DOK6: variants seen among roughly 807,000 people sequenced by gnomAD.
The protein encoded by DOK6 is docking protein 6.
DOK6 carries 22 observed loss-of-function variants against 44.0 expected under a neutral mutation model. That is an observed-to-expected ratio of 0.50 (90% CI 0.36 to 0.71). The LOEUF (loss-of-function observed/expected upper bound fraction) is 0.71, where lower values mean the gene tolerates loss of function less well. Among genes scored for constraint, DOK6 ranks in the 30% least tolerant of loss-of-function variants. The pLI, the probability that DOK6 is intolerant of heterozygous loss-of-function variation, is 0.00. For missense variants in DOK6, 340 were observed against 416.4 expected (o/e 0.82, Z 1.60); for synonymous variants, 166 against 145.5 (o/e 1.14, Z -1.01).
intron 1 of DOK6, among the ~76,000 whole-genome samples, chr18:69,404,176 T>G (rs56782053): frequency 0.011 from 1,623 of 152,314 alleles, 34 homozygotes; most frequent in African/African-American, 0.037. Context: ...ATGTGCCCTT[T>G]GCTCTTCACA....
intron 7 of DOK6, among the ~76,000 whole-genome samples, chr18:69,788,512 A>C (rs1980500629): frequency 6.6e-6 from 1 of 152,228 alleles, no homozygotes; most frequent in South Asian, 2.1e-4. Context: ...ATAAAAATTA[A>C]GGAGTAGGTG....
chr18:69,706,479 T>C (rs1461892244), intron 5 of DOK6, among the ~76,000 whole-genome samples: 2 of 152,188 alleles, frequency 1.3e-5, no homozygotes, highest in African/African-American at 4.8e-5. Flanking sequence ...CCTCTTATTT[T>C]TAAATTTCAC....
At chr18:69,487,036 C>G (rs947828360) in intron 1 of DOK6, among the ~76,000 whole-genome samples, 1 of 152,104 alleles carries the variant, frequency 6.6e-6, no homozygotes, top group African/African-American at 2.4e-5. Flanking sequence ...CCCAACCCTG[C>G]CTTTCCTGTC....
chr18:69,425,860 C>T (rs190687656), intron 1 of DOK6, among the ~76,000 whole-genome samples: 30 of 152,168 alleles, frequency 2.0e-4, no homozygotes, highest in Non-Finnish European at 3.8e-4. Context: ...GTGGGCAAAA[C>T]TGTCCTAAAG....
At chr18:69,490,718 A>G (rs1185407097) in intron 1 of DOK6, among the ~76,000 whole-genome samples, 4 of 152,206 alleles carry the variant, frequency 2.6e-5, no homozygotes, top group Non-Finnish European at 4.4e-5. Context: ...TATAAATATA[A>G]ATATAACTGA....
intron 7 of DOK6, among the ~76,000 whole-genome samples, chr18:69,771,279 A>G (rs896550537): frequency 2.6e-5 from 4 of 152,132 alleles, no homozygotes; most frequent in Admixed American, 1.3e-4. Context: ...ATGTATTTAT[A>G]AAATTAAGAT....
Position 69,844,233 on chromosome 18 carries a change from G to A in DOK6, c.*2850G>A, listed in dbSNP as rs1599356600. 1 of 152,138 alleles carries A rather than the reference G, an allele frequency of 6.6e-6. No homozygotes were observed. Among genetic ancestry groups the A allele is most frequent in the South Asian group, 2.1e-4 (1 of 4,820 alleles). 9.4% of individuals were successfully genotyped at this position (152,138 alleles called of 1,614,324 possible). A position where few individuals can be genotyped will look rare whatever the true frequency, so the allele number is the denominator to read the frequency against. ...TTCAATGCGAGGGAGGAATTACTAT[G>A]AACCAAAGATATCTTTTGGCTCCTT... On this transcript the variant is annotated 3_prime_UTR_variant, in exon 8 of 8. Transcript: ENST00000382713.
intron 1 of DOK6, among the ~76,000 whole-genome samples, chr18:69,444,725 C>A (rs911268958): frequency 6.6e-6 from 1 of 150,696 alleles, no homozygotes; most frequent in African/African-American, 2.4e-5. Flanking sequence ...CTCACTGCAA[C>A]CTCCGCCTCC....
chr18:69,835,560 T>C (rs1410600792), intron 7 of DOK6, among the ~76,000 whole-genome samples: 1 of 152,178 alleles, frequency 6.6e-6, no homozygotes, highest in Non-Finnish European at 1.5e-5. Context: ...CTCTCTTCTG[T>C]ACCCAAGTCG....
chr18:69,667,132 C>G (rs1239972070), intron 3 of DOK6, among the ~76,000 whole-genome samples: 1 of 152,154 alleles, frequency 6.6e-6, no homozygotes, highest in Non-Finnish European at 1.5e-5. Flanking sequence ...CTGCCTCTTT[C>G]ATCTCTAGAA....
chr18:69,540,450 C>G (rs944025538), intron 1 of DOK6, among the ~76,000 whole-genome samples: 1 of 152,096 alleles, frequency 6.6e-6, no homozygotes, highest in Non-Finnish European at 1.5e-5. Context: ...TTCCCAGGGA[C>G]TGATTTACTA....
chr18:69,421,478 A>G (rs972161367), intron 1 of DOK6, among the ~76,000 whole-genome samples: 26 of 152,146 alleles, frequency 1.7e-4, no homozygotes, highest in African/African-American at 6.0e-4. Flanking sequence ...CAAATGGCCA[A>G]CTCCCATAGG....
intron 1 of DOK6, among the ~76,000 whole-genome samples, chr18:69,415,347 T>G (rs908561606): frequency 1.4e-5 from 2 of 147,338 alleles, no homozygotes; most frequent in African/African-American, 4.8e-5. Flanking sequence ...CTCAAATCAT[T>G]TTTTTGTAAG....
At chr18:69,815,518 A>T (rs985897012) in intron 7 of DOK6, among the ~76,000 whole-genome samples, 2 of 152,166 alleles carry the variant, frequency 1.3e-5, no homozygotes, top group East Asian at 3.9e-4. Flanking sequence ...TAGTGCTGCA[A>T]CTCTGTTTAT....
chr18:69,787,929 G>A (rs908139889), intron 7 of DOK6, among the ~76,000 whole-genome samples: 16 of 152,190 alleles, frequency 1.1e-4, no homozygotes, highest in African/African-American at 3.4e-4. Flanking sequence ...ATTCAGCCTC[G>A]GCAATTAGCT....
At chr18:69,623,432 T>C (rs1350031262) in intron 3 of DOK6, among the ~76,000 whole-genome samples, 1 of 152,214 alleles carries the variant, frequency 6.6e-6, no homozygotes, top group Non-Finnish European at 1.5e-5. Context: ...GATAAAAATC[T>C]ACCTAAAAAT....
At chr18:69,764,362 C>A (rs1435997537) in intron 7 of DOK6, among the ~76,000 whole-genome samples, 3 of 152,130 alleles carry the variant, frequency 2.0e-5, no homozygotes, top group Non-Finnish European at 4.4e-5. Flanking sequence ...GTGTCCCCAC[C>A]CAAATCTCAT....
intron 1 of DOK6, among the ~76,000 whole-genome samples, chr18:69,447,312 A>G (rs534546655): frequency 2.6e-5 from 4 of 152,272 alleles, no homozygotes; most frequent in Admixed American, 6.5e-5. Flanking sequence ...TAAATAGGGA[A>G]TCCTTTCCCC....
chr18:69,684,756 A>G (rs1382087013), intron 4 of DOK6, among the ~76,000 whole-genome samples: 1 of 152,206 alleles, frequency 6.6e-6, no homozygotes, highest in Non-Finnish European at 1.5e-5. Flanking sequence ...AACGAAAGGC[A>G]TAGGACAAGT....
Sources: allele counts gnomAD v4.1 joint callset (sites outside exome capture counted in the v4.1 genomes callset), GRCh38; gene constraint gnomAD v4.1.1; transcripts MANE v1.5; gene names NCBI Gene and HGNC (gene_info 2026-07-23, HGNC 2026-07-21).